CAPN14: variants seen among roughly 807,000 people sequenced by gnomAD.
CAPN14 encodes the protein calpain-14.
A neutral mutation model predicts 101.3 loss-of-function variants in CAPN14; 94 were observed. The observed-to-expected ratio is 0.93, with a 90% CI of 0.79 to 1.10. The LOEUF (loss-of-function observed/expected upper bound fraction) is 1.10. Ranked by LOEUF, CAPN14 falls within the 50% of genes least tolerant of loss-of-function variation. CAPN14 has a pLI of 0.00. For synonymous variants in CAPN14, 338 were observed against 317.9 expected, an observed-to-expected ratio of 1.06 and a Z score of -0.67; for missense variants, 837 against 828.4, an observed-to-expected ratio of 1.01 and a Z score of -0.13.
chr2:31,175,001 T>G (rs1202651417), intron 21 of CAPN14, among the ~76,000 whole-genome samples: 1 of 152,222 alleles, frequency 6.6e-6, no homozygotes, highest in Non-Finnish European at 1.5e-5. Context: ...TGTGCAGGTG[T>G]GCAAACTGGC....
intron 1 of CAPN14, among the ~76,000 whole-genome samples, chr2:31,206,723 A>T (rs1682118279): frequency 6.6e-6 from 1 of 152,282 alleles, no homozygotes; most frequent in Admixed American, 6.5e-5. Flanking sequence ...CCCAGCTACA[A>T]AACTTGATTT....
chr2:31,213,065 C>A (rs748757014), intron 1 of CAPN14, among the ~76,000 whole-genome samples: 1 of 152,202 alleles, frequency 6.6e-6, no homozygotes, highest in South Asian at 2.1e-4. Context: ...ATAGGCTTTG[C>A]CTGATTTATC....
At chr2:31,186,591 G>C (rs1165597941) in intron 15 of CAPN14, 106 bp from the exon 16 acceptor site, 30 of 814,678 alleles carry the variant, frequency 3.7e-5, no homozygotes, top group Non-Finnish European at 5.3e-5. Flanking sequence ...GATTTCCTAA[G>C]AACTTCACAA....
At chr2:31,175,957 T>A (rs1054389928) in intron 21 of CAPN14, among the ~76,000 whole-genome samples, 1 of 152,212 alleles carries the variant, frequency 6.6e-6, no homozygotes, top group African/African-American at 2.4e-5. Flanking sequence ...ATCAGTTTCA[T>A]ACATAAATTT....
intron 9 of CAPN14, among the ~76,000 whole-genome samples, 194 bp from the exon 10 acceptor site, chr2:31,193,488 TG>T (rs372623630): frequency 0.02 from 3,055 of 152,192 alleles, 50 homozygotes; most frequent in Middle Eastern, 0.044. Flanking sequence ...GGGTCCATCG[TG>T]GGGGGCTGGA....
At chr2:31,227,460 A>G (rs1003924733) in intron 1 of CAPN14, among the ~76,000 whole-genome samples, 13 of 152,082 alleles carry the variant, frequency 8.5e-5, no homozygotes, top group African/African-American at 3.1e-4. Flanking sequence ...TCACCTGTGT[A>G]TTTTTATTCT....
intron 16 of CAPN14, among the ~76,000 whole-genome samples, chr2:31,181,768 T>G (rs146666407): frequency 7.0e-6 from 1 of 142,482 alleles, no homozygotes; most frequent in Non-Finnish European, 1.5e-5. Context: ...TGAGAACATG[T>G]GGTGTTTGGT....
chr2:31,178,059 G>A (rs1412797320), intron 18 of CAPN14, among the ~76,000 whole-genome samples: 1 of 152,228 alleles, frequency 6.6e-6, no homozygotes, highest in Non-Finnish European at 1.5e-5. Flanking sequence ...ATGGGGTATA[G>A]ACAGTCTTGG....
intron 1 of CAPN14, among the ~76,000 whole-genome samples, chr2:31,210,340 C>T (rs1307954039): frequency 2.6e-5 from 4 of 151,920 alleles, no homozygotes; most frequent in African/African-American, 4.8e-5. Context: ...CCCAGCTACT[C>T]GGGAGGCTGA....
At chr2:31,197,374 T>A in intron 7 of CAPN14, 40 bp from the exon 8 acceptor site, 3 of 1,375,808 alleles carry the variant, frequency 2.2e-6, no homozygotes, top group Non-Finnish European at 3.0e-6. Flanking sequence ...CTGGGCTGAG[T>A]GCAAACATTC....
At chr2:31,209,104 G>A (rs1682258151) in intron 1 of CAPN14, among the ~76,000 whole-genome samples, 2 of 151,280 alleles carry the variant, frequency 1.3e-5, no homozygotes, top group African/African-American at 2.4e-5. Context: ...CATGTAGTTA[G>A]GACTACAGGC....
intron 16 of CAPN14, among the ~76,000 whole-genome samples, chr2:31,181,942 T>A (rs1680663338): frequency 6.6e-6 from 1 of 151,884 alleles, no homozygotes; most frequent in Non-Finnish European, 1.5e-5. Context: ...TTTGGGTTGG[T>A]TCTAAGTCTT....
chr2:31,231,862 G>A (rs932462349), intron 1 of CAPN14, among the ~76,000 whole-genome samples: 1 of 152,210 alleles, frequency 6.6e-6, no homozygotes, highest in African/African-American at 2.4e-5. Flanking sequence ...GAAGGCCAGT[G>A]TCTGTTCCGG....
chr2:31,187,528 G>C (rs1680958036), intron 15 of CAPN14, among the ~76,000 whole-genome samples: 1 of 151,878 alleles, frequency 6.6e-6, no homozygotes, highest in Non-Finnish European at 1.5e-5. Context: ...ACTAATCAAT[G>C]AGCGTCCAAG....
At chr2:31,226,351 G>A (rs1474615974) in intron 2 of CAPN14, among the ~76,000 whole-genome samples, 1 of 152,100 alleles carries the variant, frequency 6.6e-6, no homozygotes, top group East Asian at 1.9e-4. Context: ...TATAATAATT[G>A]GCCAACTACA....
intron 7 of CAPN14, 91 bp from the exon 8 acceptor site, chr2:31,197,425 G>C: frequency 1.2e-6 from 1 of 862,724 alleles, no homozygotes; most frequent in Non-Finnish European, 1.9e-6. Context: ...CTGAGCACTT[G>C]CAGTGGAAAA....
intron 6 of CAPN14, among the ~76,000 whole-genome samples, chr2:31,200,164 C>T (rs768558861): frequency 1.3e-5 from 2 of 152,114 alleles, no homozygotes; most frequent in South Asian, 2.1e-4. Flanking sequence ...TCACCATGCC[C>T]GGCTAATTTT....
chr2:31,202,335 C>A, intron 3 of CAPN14, 83 bp from the exon 4 acceptor site: 3 of 1,006,516 alleles, frequency 3.0e-6, no homozygotes, highest in South Asian at 2.9e-5. Flanking sequence ...AATGGCCACC[C>A]TCTCTGGGCT....
intron 11 of CAPN14, 52 bp from the exon 12 acceptor site, chr2:31,191,459 T>G (rs113833644): frequency 0.024 from 32,995 of 1,365,186 alleles, 471 homozygotes; most frequent in African/African-American, 0.047. Flanking sequence ...GAGAGAGAGA[T>G]CTCATTAAGC....
Sources: gnomAD v4.1 joint callset for allele counts (sites outside exome capture counted in the v4.1 genomes callset) on GRCh38, gnomAD v4.1.1 for gene constraint, MANE v1.5 for transcripts, NCBI Gene and HGNC (gene_info 2026-07-23, HGNC 2026-07-21) for gene names.